TNFRSF10B: variants seen among roughly 807,000 people sequenced by gnomAD.
TNFRSF10B encodes the protein TNF receptor superfamily member 10b, also known as tumor necrosis factor receptor superfamily member 10B.
TNFRSF10B carries 35 observed loss-of-function variants against 41.4 expected under a neutral mutation model. The ratio of observed to expected loss-of-function variants is 0.85; its 90% CI spans 0.65 to 1.12. The LOEUF (loss-of-function observed/expected upper bound fraction) is 1.12. Among genes scored for constraint, TNFRSF10B ranks in the 50% most tolerant of loss-of-function variants. The probability of loss-of-function intolerance (pLI) is 0.00; values close to 1 mark genes in which losing one functional copy is unlikely to be tolerated. For missense variants in TNFRSF10B, 584 were observed against 552.7 expected (o/e 1.06, Z -0.57); for synonymous variants, 230 against 215.5 (o/e 1.07, Z -0.59).
At chr8:23,048,525 G>C (rs922258537) in intron 1 of TNFRSF10B, among the ~76,000 whole-genome samples, 1 of 151,802 alleles carries the variant, frequency 6.6e-6, no homozygotes, top group African/African-American at 2.4e-5. Flanking sequence ...ATGGGGAGAT[G>C]ATAATCAAAG....
Position 23,020,977 on chromosome 8 carries a change from A to G in TNFRSF10B, c.*1694T>C, listed in dbSNP as rs1255835747. ...CCAGAAAGGTCACCCCCCACTCCTA[A>G]AACTCCACAGACACAACAGTCTGAA... On this transcript the variant is annotated 3_prime_UTR_variant, in exon 9 of 9. Transcript: ENST00000276431. 1 of 453,986 alleles carries G rather than the reference A, an allele frequency of 2.2e-6. No homozygotes were observed. Among genetic ancestry groups the G allele is most frequent in the Non-Finnish European group, 4.4e-6 (1 of 226,794 alleles). 28.1% of individuals were successfully genotyped at this position (453,986 alleles called of 1,614,324 possible). A position where few individuals can be genotyped will look rare whatever the true frequency, so the allele number is the denominator to read the frequency against.
chr8:23,045,119 A>T (rs1301260702), intron 1 of TNFRSF10B, among the ~76,000 whole-genome samples: 1 of 150,826 alleles, frequency 6.6e-6, no homozygotes, highest in African/African-American at 2.4e-5. Context: ...AATCCCAGCT[A>T]CTTGGGTGGC....
Position 23,020,168 on chromosome 8 carries a change from G to A in TNFRSF10B, c.*2503C>T, listed in dbSNP as rs565736584. The A allele has an allele frequency of 1.2e-3, 513 of 414,358 alleles. 5 individuals are homozygous for A. Among genetic ancestry groups the A allele is most frequent in the Non-Finnish European group, 1.5e-3 (309 of 206,018 alleles). 25.7% of individuals were successfully genotyped at this position (414,358 alleles called of 1,614,324 possible). A position where few individuals can be genotyped will look rare whatever the true frequency, so the allele number is the denominator to read the frequency against. ...AGGTTTCATATTTAATTTGGTCATG[G>A]ATTCATAAATACATAAGTATTTTGT... On this transcript the variant is annotated 3_prime_UTR_variant, in exon 9 of 9. Transcript: ENST00000276431.
chr8:23,026,742 T>C (rs911342604), intron 7 of TNFRSF10B, among the ~76,000 whole-genome samples: 1 of 152,222 alleles, frequency 6.6e-6, no homozygotes, highest in African/African-American at 2.4e-5. Context: ...CCTACGAACT[T>C]TGAAATATGT....
At chr8:23,024,496 AAT>A (rs1811642563) in intron 7 of TNFRSF10B, among the ~76,000 whole-genome samples, 1 of 151,888 alleles carries the variant, frequency 6.6e-6, no homozygotes, top group African/African-American at 2.4e-5. Context: ...TTTAATTTGT[AAT>A]ACTCAAAAGT....
chr8:23,046,152 T>C (rs1204112490), intron 1 of TNFRSF10B, among the ~76,000 whole-genome samples: 1 of 152,194 alleles, frequency 6.6e-6, no homozygotes, highest in African/African-American at 2.4e-5. Flanking sequence ...AGTAAAATTG[T>C]CTATTTGCCG....
Position 23,068,884 on chromosome 8 carries a change from C to A in TNFRSF10B, c.11G>T (p.Arg4Leu), listed in dbSNP as rs1237680560. The change falls in exon 1 of 9, where the codon CGG becomes CTG. Residue 4 changes from arginine to leucine, a missense_variant. By Grantham distance (102) the Arg-to-Leu change is moderately radical. Coordinates refer to ENST00000276431, the MANE Select transcript of TNFRSF10B (RefSeq NM_003842.5). The stretch of plus-strand genomic sequence containing the variant: ...CGAAGCGGCCGGGGCGTTCTGTCCC[C>A]GTTGTTCCATGGCGGTAGGGAACGC... MEQ[R>L]GQNAPAASGA... is the part of the protein sequence containing the mutation. 9.9e-6 allele frequency: 16 copies of A among 1,613,424 alleles called. No individual in the cohort carries two copies. Among genetic ancestry groups the A allele is most frequent in the African/African-American group, 4.0e-5 (3 of 74,936 alleles).
rs750367156 is a variant in TNFRSF10B, at chr8:23,024,270, A to C, written c.937-10T>G. The C allele has an allele frequency of 2.9e-5, 46 of 1,613,736 alleles. No homozygotes were observed. In the Admixed American group the frequency reaches 7.7e-4, roughly 27 times the overall value. On this transcript the variant is annotated splice_polypyrimidine_tract_variant and intron_variant, in intron 7 of 8. Coordinates refer to ENST00000276431, the MANE Select transcript of TNFRSF10B (RefSeq NM_003842.5). ...CAGCTTCTGCCGGTTCCTGTAACACATAGTGGGGAATGTCCTGGTCAGAGC... is the reference window on the plus strand; with the variant it reads ...CAGCTTCTGCCGGTTCCTGTAACACCTAGTGGGGAATGTCCTGGTCAGAGC...
intron 1 of TNFRSF10B, among the ~76,000 whole-genome samples, chr8:23,067,756 A>G (rs1813035342): frequency 1.3e-5 from 2 of 152,290 alleles, no homozygotes; most frequent in South Asian, 4.1e-4. Context: ...TCACACTGAC[A>G]TTCTTCTAGG....
At position 23,020,396 on chromosome 8, in the gene TNFRSF10B, T is replaced by C; in HGVS notation, c.*2275A>G. ...AATTATTTCATGTCGTCAGGAAGCT[T>C]ACTTTAAAAGAATAGCTTGGCCTGG... On this transcript the variant is annotated 3_prime_UTR_variant, in exon 9 of 9. Coordinates refer to ENST00000276431, the MANE Select transcript of TNFRSF10B (RefSeq NM_003842.5). 2.2e-6 allele frequency: 1 copy of C among 454,056 alleles called. No individual in the cohort carries two copies. Among genetic ancestry groups the C allele is most frequent in the Non-Finnish European group, 4.4e-6 (1 of 226,770 alleles). The allele number at this position is 454,056 out of a possible 1,614,324, so 28.1% of individuals were successfully genotyped here.
At chr8:23,053,268 A>C (rs1418873334) in intron 1 of TNFRSF10B, among the ~76,000 whole-genome samples, 1 of 152,182 alleles carries the variant, frequency 6.6e-6, no homozygotes, top group Non-Finnish European at 1.5e-5. Flanking sequence ...CTAGTATATA[A>C]TTAAAATCCC....
intron 2 of TNFRSF10B, among the ~76,000 whole-genome samples, chr8:23,038,265 C>T (rs1251186526): frequency 6.6e-6 from 1 of 152,212 alleles, no homozygotes; most frequent in Non-Finnish European, 1.5e-5. Context: ...AGCAGGACCA[C>T]TTATAGCTCA....
intron 1 of TNFRSF10B, among the ~76,000 whole-genome samples, chr8:23,065,058 C>A (rs796400438): frequency 3.2e-4 from 49 of 152,242 alleles, no homozygotes; most frequent in African/African-American, 1.2e-3. Flanking sequence ...AGTGGTGGGA[C>A]CTCATGCTTC....
intron 2 of TNFRSF10B, among the ~76,000 whole-genome samples, chr8:23,039,691 G>T (rs1812115241): frequency 6.6e-6 from 1 of 152,126 alleles, no homozygotes; most frequent in African/African-American, 2.4e-5. Flanking sequence ...AGTCAACCTT[G>T]CTCCATACAC....
In TNFRSF10B at chr8:23,040,263, TTAAA is replaced by T. The variant is rs1403431648; in HGVS notation, c.250+2871_250+2874del. On this transcript the variant is annotated intron_variant, in intron 2 of 8. Coordinates refer to ENST00000276431, the MANE Select transcript of TNFRSF10B (RefSeq NM_003842.5). ...AAGTATATATTTAAATATATATTTA[TTAAA>T]TATATATATAATATATATTTATTAA... Among the ~76,000 whole-genome samples, 4 of 132,178 alleles carry T rather than the reference TTAAA, an allele frequency of 3.0e-5. 1 individual carries two copies. Among genetic ancestry groups the T allele is most frequent in the Non-Finnish European group, 4.7e-5 (3 of 64,108 alleles). 86.7% of individuals were successfully genotyped at this position (132,178 alleles called of 152,430 possible). A position where few individuals can be genotyped will look rare whatever the true frequency, so the allele number is the denominator to read the frequency against.
chr8:23,040,461 A>ATG (rs755406113), intron 2 of TNFRSF10B, among the ~76,000 whole-genome samples: 1,228 of 89,106 alleles, frequency 0.014, 491 homozygotes, highest in Non-Finnish European at 0.021. Flanking sequence ...TATTAAATAT[A>ATG]TATACACAAA....
intron 1 of TNFRSF10B, among the ~76,000 whole-genome samples, chr8:23,049,117 G>T (rs187095581): frequency 5.0e-4 from 76 of 152,244 alleles, no homozygotes; most frequent in Non-Finnish European, 4.1e-4. Context: ...CTGTTGGTGG[G>T]AATGTAAAAC....
intron 1 of TNFRSF10B, among the ~76,000 whole-genome samples, chr8:23,064,404 G>A (rs527789654): frequency 1.3e-5 from 2 of 152,188 alleles, no homozygotes; most frequent in Non-Finnish European, 2.9e-5. Context: ...TGTGCAGGAC[G>A]AGGCTGTGCC....
rs1261131739 is a variant in TNFRSF10B, at chr8:23,068,904, G to A, written c.-10C>T. The A allele has an allele frequency of 5.6e-6, 9 of 1,613,284 alleles. No individual in the cohort carries two copies. The highest frequency in any genetic ancestry group is 5.5e-5 in the South Asian group (5 of 91,090). ...GTCCCCGTTGTTCCATGGCGGTAGG[G>A]AACGCTCTTATAGTCTCTCAGGCCC... On this transcript the variant is annotated 5_prime_UTR_variant, in exon 1 of 9. Transcript: ENST00000276431.
Sources: allele counts gnomAD v4.1 joint callset (sites outside exome capture counted in the v4.1 genomes callset), GRCh38; gene constraint gnomAD v4.1.1; transcripts MANE v1.5; gene names NCBI Gene and HGNC (gene_info 2026-07-23, HGNC 2026-07-21).